CCDC171: variants seen among roughly 807,000 people sequenced by gnomAD.
The protein encoded by CCDC171 is coiled-coil domain containing 171, also known as coiled-coil domain-containing protein 171.
Under a neutral mutation model 168.2 loss-of-function variants are expected in CCDC171, and 177 were observed. That is an observed-to-expected ratio of 1.05 (90% CI 0.93 to 1.19). The LOEUF (loss-of-function observed/expected upper bound fraction) is 1.19. Among genes scored for constraint, CCDC171 ranks in the 50% most tolerant of loss-of-function variants. CCDC171 has a pLI of 0.00. For missense variants in CCDC171, 1,991 were observed against 1,539.0 expected, an observed-to-expected ratio of 1.29 and a Z score of -4.91; for synonymous variants, 687 against 540.8, an observed-to-expected ratio of 1.27 and a Z score of -3.75.
chr9:15,599,805 CT>C (rs1298366696), intron 6 of CCDC171, among the ~76,000 whole-genome samples: 1 of 152,196 alleles, frequency 6.6e-6, no homozygotes, highest in Non-Finnish European at 1.5e-5. Context: ...TAGATTTGGT[CT>C]TTTCACATAG....
At chr9:16,034,398 G>C (rs1425716858) in intron 6 of CCDC171, among the ~76,000 whole-genome samples, 1 of 152,188 alleles carries the variant, frequency 6.6e-6, no homozygotes, top group African/African-American at 2.4e-5. Context: ...ATAGTAGTCT[G>C]GTGAGATGAT....
At chr9:15,692,076 A>G (rs1564220044) in intron 10 of CCDC171, among the ~76,000 whole-genome samples, 1 of 152,210 alleles carries the variant, frequency 6.6e-6, no homozygotes, top group Non-Finnish European at 1.5e-5. Context: ...TATATCTGCT[A>G]TGGAAAAGTG....
intron 24 of CCDC171, among the ~76,000 whole-genome samples, chr9:15,896,746 T>C (rs984661731): frequency 1.3e-5 from 2 of 152,064 alleles, no homozygotes; most frequent in African/African-American, 4.8e-5. Context: ...TTACACATTG[T>C]TTTTACCATA....
chr9:15,877,844 A>T (rs546843713), intron 24 of CCDC171, among the ~76,000 whole-genome samples: 1 of 152,300 alleles, frequency 6.6e-6, no homozygotes, highest in African/African-American at 2.4e-5. Context: ...TATGATATGT[A>T]CTATTGGTAA....
chr9:15,907,046 A>G (rs1822768417), intron 24 of CCDC171, among the ~76,000 whole-genome samples: 1 of 152,222 alleles, frequency 6.6e-6, no homozygotes, highest in African/African-American at 2.4e-5. Flanking sequence ...GCTCATGGGT[A>G]GGAAGAATCA....
intron 18 of CCDC171, among the ~76,000 whole-genome samples, chr9:15,746,432 C>T (rs759353306): frequency 6.6e-6 from 1 of 152,074 alleles, no homozygotes; most frequent in Non-Finnish European, 1.5e-5. Flanking sequence ...TAAGTTGTGG[C>T]CATCGATGTT....
intron 11 of CCDC171, among the ~76,000 whole-genome samples, chr9:15,696,938 T>A (rs2133802703): frequency 6.6e-6 from 1 of 152,334 alleles, no homozygotes; most frequent in Non-Finnish European, 1.5e-5. Flanking sequence ...GATTTTTGGA[T>A]TGTTACAGAG....
chr9:15,884,639 A>G (rs1201722934), intron 24 of CCDC171, among the ~76,000 whole-genome samples: 1 of 152,130 alleles, frequency 6.6e-6, no homozygotes, highest in African/African-American at 2.4e-5. Context: ...GAATGCCTGG[A>G]TTGAAGTTCT....
chr9:15,775,032 A>G (rs2057237261), intron 18 of CCDC171, among the ~76,000 whole-genome samples: 1 of 152,184 alleles, frequency 6.6e-6, no homozygotes, highest in Non-Finnish European at 1.5e-5. Flanking sequence ...GGTGCACCAG[A>G]ATTTCGGAAA....
the CCDC171 span, among the ~76,000 whole-genome samples, chr9:16,070,244 C>A: frequency 6.6e-6 from 1 of 152,182 alleles, no homozygotes; most frequent in Non-Finnish European, 1.5e-5. Context: ...CAGCCTAACA[C>A]CCCCGGCCGG....
At chr9:15,934,746 A>C (rs1400813653) in intron 25 of CCDC171, among the ~76,000 whole-genome samples, 2 of 152,084 alleles carry the variant, frequency 1.3e-5, no homozygotes, top group Non-Finnish European at 2.9e-5. Flanking sequence ...AAAAGGTACA[A>C]ACAACCCAAA....
In CCDC171 at chr9:15,787,471, C is replaced by T. The variant is rs147696401; in HGVS notation, c.3267+2777C>T. 4.6e-3 allele frequency among the ~76,000 whole-genome samples: 698 copies of T among 152,216 alleles called. 6 individuals carry two copies. Among genetic ancestry groups the T allele is most frequent in the Middle Eastern group, 0.01 (3 of 294 alleles). ...TTAGATTTATCCCAGCTTCTTCCTC[C>T]TCCTACTCCTCCACCTCCTCTTCCT... On this transcript the variant is annotated intron_variant, in intron 21 of 25. Coordinates refer to ENST00000380701, the MANE Select transcript of CCDC171 (RefSeq NM_173550.4).
intron 24 of CCDC171, among the ~76,000 whole-genome samples, chr9:15,913,585 A>G (rs1052473998): frequency 6.6e-6 from 1 of 151,998 alleles, no homozygotes; most frequent in Non-Finnish European, 1.5e-5. Context: ...GTTGGGTTAG[A>G]ACATGCTCCT....
chr9:16,091,556 G>A, the CCDC171 span, among the ~76,000 whole-genome samples: 2 of 152,218 alleles, frequency 1.3e-5, no homozygotes, highest in Admixed American at 1.3e-4. Context: ...GGCCTGGTGT[G>A]AGTTTGCTCT....
chr9:15,658,342 G>C (rs1041059337), intron 8 of CCDC171, among the ~76,000 whole-genome samples: 16 of 152,156 alleles, frequency 1.1e-4, no homozygotes, highest in Non-Finnish European at 1.9e-4. Context: ...AAATAACTCT[G>C]GTGCCATATT....
chr9:15,934,458 C>T (rs1203412008), intron 25 of CCDC171, among the ~76,000 whole-genome samples: 1 of 150,762 alleles, frequency 6.6e-6, no homozygotes, highest in Non-Finnish European at 1.5e-5. Context: ...ATCAAAACCA[C>T]AGTGAGATGC....
chr9:16,086,417 C>G, the CCDC171 span, among the ~76,000 whole-genome samples: 4 of 151,444 alleles, frequency 2.6e-5, no homozygotes, highest in Admixed American at 6.6e-5. Flanking sequence ...AGGTGATTCT[C>G]CTGCCTCAGC....
chr9:15,798,299 A>C (rs182424444), intron 21 of CCDC171, among the ~76,000 whole-genome samples: 110 of 151,702 alleles, frequency 7.3e-4, no homozygotes, highest in African/African-American at 2.5e-3. Context: ...GGTAATTCAT[A>C]TTTTCTCTTT....
At chr9:15,711,602 G>T (rs2052669259) in intron 11 of CCDC171, among the ~76,000 whole-genome samples, 1 of 152,176 alleles carries the variant, frequency 6.6e-6, no homozygotes, top group Non-Finnish European at 1.5e-5. Context: ...TAAAGCTAGA[G>T]TTTGATTGGG....
Sources: gnomAD v4.1 joint callset for allele counts (sites outside exome capture counted in the v4.1 genomes callset) on GRCh38, gnomAD v4.1.1 for gene constraint, MANE v1.5 for transcripts, NCBI Gene and HGNC (gene_info 2026-07-23, HGNC 2026-07-21) for gene names.